The following EVC2 variants were observed in gnomAD, a reference collection of about 807,000 sequenced individuals.
EVC2 encodes EvC ciliary complex subunit 2, also known as limbin.
A neutral mutation model predicts 149.3 loss-of-function variants in EVC2; 148 were observed. That is an observed-to-expected ratio of 0.99 (90% confidence interval 0.87 to 1.14). The LOEUF is 1.14. Among genes scored for constraint, EVC2 ranks in the 50% most tolerant of loss-of-function variants. The pLI is 0.00. For synonymous variants in EVC2, 776 were observed against 649.9 expected, an observed-to-expected ratio of 1.19 and a Z score of -2.95; for missense variants, 1,854 against 1,627.3, an observed-to-expected ratio of 1.14 and a Z score of -2.40.
rs551539832 is a variant in EVC2 at position 5,583,521 on chromosome 4, AT to A, written c.3057+1101del. 1.1e-3 allele frequency among the ~76,000 whole-genome samples: 163 copies of A among 152,192 alleles called. No homozygotes were observed. In the Middle Eastern group the frequency reaches 0.024, roughly 22 times the overall value. ...TGGAAGATTTTAAAGTACTGAATCAATTTCTTTCATGGCAAGAGGGTTATCA... is the reference window on the plus strand; with the variant it reads ...TGGAAGATTTTAAAGTACTGAATCAATTCTTTCATGGCAAGAGGGTTATCA... On this transcript the variant is annotated intron_variant, in intron 17 of 21. Coordinates refer to ENST00000344408, the MANE Select transcript of EVC2 (RefSeq NM_147127.5).
chr4:5,605,664 G>A (rs147652837), intron 16 of EVC2, among the ~76,000 whole-genome samples: 1 of 152,330 alleles, frequency 6.6e-6, no homozygotes, highest in East Asian at 1.9e-4. Flanking sequence ...TCCTGCCCAG[G>A]AACTCAGCAA....
downstream of EVC2, among the ~76,000 whole-genome samples, chr4:5,541,029 G>T (rs371770179): frequency 3.2e-4 from 48 of 152,232 alleles, no homozygotes; most frequent in African/African-American, 1.2e-3. Context: ...CCATGCTAAT[G>T]AATTTTTAAA....
At chr4:5,605,022 C>T (rs888553194) in intron 16 of EVC2, among the ~76,000 whole-genome samples, 1 of 152,030 alleles carries the variant, frequency 6.6e-6, no homozygotes, top group African/African-American at 2.4e-5. Context: ...TCCACTTCCA[C>T]TTAATGAACA....
At chr4:5,652,216 G>T (rs560006417) in intron 9 of EVC2, among the ~76,000 whole-genome samples, 1 of 152,228 alleles carries the variant, frequency 6.6e-6, no homozygotes, top group Non-Finnish European at 1.5e-5. Context: ...TGATGAGGTG[G>T]TAAGAGGTGG....
chr4:5,700,774 C>T (rs1204465940), intron 1 of EVC2, among the ~76,000 whole-genome samples: 4 of 152,224 alleles, frequency 2.6e-5, no homozygotes, highest in African/African-American at 9.6e-5. Flanking sequence ...GGCCAGCCTG[C>T]CCCTCCCTGT....
intron 21 of EVC2, among the ~76,000 whole-genome samples, chr4:5,554,660 G>A (rs1411534295): frequency 5.3e-5 from 8 of 152,202 alleles, no homozygotes; most frequent in Admixed American, 5.2e-4. Flanking sequence ...CTTGAGGGAA[G>A]TGAGGAGAAG....
chr4:5,565,587 C>T (rs549289422), intron 20 of EVC2, among the ~76,000 whole-genome samples: 20 of 151,334 alleles, frequency 1.3e-4, no homozygotes, highest in African/African-American at 4.4e-4. Flanking sequence ...CAGAAAGAAT[C>T]GCTTGAACCC....
chr4:5,584,909 G>C (rs1712144741), intron 16 of EVC2, 59 bp from the exon 17 acceptor site: 2 of 1,573,720 alleles, frequency 1.3e-6, no homozygotes, highest in South Asian at 2.2e-5. Context: ...GAGGGTGGAG[G>C]AGAACAAACA....
chr4:5,583,139 T>C (rs1711953517), intron 17 of EVC2, among the ~76,000 whole-genome samples: 1 of 152,354 alleles, frequency 6.6e-6, no homozygotes, highest in Admixed American at 6.5e-5. Flanking sequence ...CCCCTTTAAT[T>C]TGTTAATCAG....
intron 10 of EVC2, among the ~76,000 whole-genome samples, chr4:5,634,465 T>C (rs1034254672): frequency 3.9e-5 from 6 of 152,178 alleles, no homozygotes; most frequent in African/African-American, 7.2e-5. Context: ...TTTTAATTAA[T>C]AGAAATGAAA....
Position 5,618,496 on chromosome 4 carries a change from C to G in EVC2, c.2688G>C (p.Val896=). 1 of 1,613,252 alleles carries G rather than the reference C, an allele frequency of 6.2e-7. No homozygotes were observed. Among genetic ancestry groups the G allele is most frequent in the Non-Finnish European group, 8.5e-7 (1 of 1,180,036 alleles). Residue 896 remains valine (V), a synonymous_variant, in exon 15 of 22, where the codon GTG becomes GTC. Coordinates refer to ENST00000344408, the MANE Select transcript of EVC2 (RefSeq NM_147127.5). This position sits in a 1 kb window ranked among gnomAD's most constrained non-coding sequence, Gnocchi z 4.4. ...ATCCTACCTGCAGCTCAGGGGCAGC[C>G]ACGGCCTGGTCCAGCTTCACGAACT... The part of the protein sequence containing the change: ...EAEFVKLDQA[V]AAPELQQQSK...
chr4:5,678,024 G>C (rs988593733), intron 7 of EVC2, among the ~76,000 whole-genome samples: 2 of 152,202 alleles, frequency 1.3e-5, no homozygotes, highest in African/African-American at 4.8e-5. Context: ...CCACTTACTA[G>C]CCATGCAGAA....
rs187812615 is a variant in EVC2 at position 5,675,751 on chromosome 4, C to T, written c.870+5509G>A. Among the ~76,000 whole-genome samples the T allele has an allele frequency of 6.3e-3, 958 of 152,220 alleles. 7 individuals are homozygous for T. Among genetic ancestry groups the T allele is most frequent in the Middle Eastern group, 0.017 (5 of 294 alleles). On this transcript the variant is annotated intron_variant, in intron 7 of 21. Transcript: ENST00000344408. The stretch of plus-strand genomic sequence containing the variant: ...CCTGAGGTCCGGAGTTCAAGACCAG[C>T]CTGACCAACATGGTGAAACTCCATC...
At chr4:5,591,123 G>A (rs913668163) in intron 16 of EVC2, among the ~76,000 whole-genome samples, 9 of 152,148 alleles carry the variant, frequency 5.9e-5, no homozygotes, top group African/African-American at 1.7e-4. Context: ...GAAGGGGCAT[G>A]AAGCTCAATG....
chr4:5,539,823 A>G (rs556990065), downstream of EVC2, among the ~76,000 whole-genome samples: 3 of 150,380 alleles, frequency 2.0e-5, no homozygotes, highest in East Asian at 6.1e-4. Flanking sequence ...CCTTGAGTTG[A>G]GCAAATATTT....
In EVC2 at chr4:5,665,736, C is replaced by G. The variant is rs1329357362; in HGVS notation, c.871-87G>C. The G allele has an allele frequency of 9.6e-6, 15 of 1,565,220 alleles. 1 individual carries two copies. Among genetic ancestry groups the G allele is most frequent in the South Asian group, 2.3e-5 (2 of 85,680 alleles). The stretch of plus-strand genomic sequence containing the variant: ...ACAGATGATTGAGTGTCAGAGCAGA[C>G]CAAGCAGGGACCAGGGGACTCGCTT... On this transcript the variant is annotated intron_variant, in intron 7 of 21. Coordinates refer to ENST00000344408, the MANE Select transcript of EVC2 (RefSeq NM_147127.5).
intron 3 of EVC2, among the ~76,000 whole-genome samples, chr4:5,692,536 A>G (rs149519966): frequency 0.012 from 1,858 of 152,322 alleles, 40 homozygotes; most frequent in African/African-American, 0.042. Flanking sequence ...CACAACATGC[A>G]TTCCCTCTCC....
the EVC2 span, among the ~76,000 whole-genome samples, chr4:5,529,945 A>G: frequency 1.3e-5 from 2 of 151,392 alleles, no homozygotes; most frequent in South Asian, 4.2e-4. The surrounding 1 kb of genome is among the most constrained non-coding windows in gnomAD (Gnocchi z 4.5). Flanking sequence ...CCTCCTGAGT[A>G]GCTGGGATTA....
intron 16 of EVC2, among the ~76,000 whole-genome samples, chr4:5,602,952 A>AT (rs1714107882): frequency 1.3e-5 from 2 of 151,776 alleles, no homozygotes; most frequent in South Asian, 4.2e-4. Context: ...GGAGCTGAAA[A>AT]TGTGTGTGTG....
Sources: gnomAD v4.1 joint callset for allele counts (sites outside exome capture counted in the v4.1 genomes callset) on GRCh38, gnomAD v4.1.1 for gene constraint, Gnocchi (gnomAD v3.1) non-coding constraint, MANE v1.5 for transcripts, NCBI Gene and HGNC (gene_info 2026-07-23, HGNC 2026-07-21) for gene names.